BTC: variants seen among roughly 807,000 people sequenced by gnomAD.
BTC encodes betacellulin, also known as probetacellulin.
BTC carries 13 observed loss-of-function variants against 18.1 expected under a neutral mutation model. The observed-to-expected ratio is 0.72, with a 90% CI of 0.47 to 1.14. The LOEUF is 1.14. Among genes scored for constraint, BTC ranks in the 50% most tolerant of loss-of-function variants. The pLI is 0.00. For synonymous variants in BTC, 83 were observed against 79.4 expected, an observed-to-expected ratio of 1.05 and a Z score of -0.24; for missense variants, 247 against 224.2, an observed-to-expected ratio of 1.10 and a Z score of -0.65.
At chr4:74,784,416 A>C (rs1043183810) in intron 1 of BTC, among the ~76,000 whole-genome samples, 6 of 151,462 alleles carry the variant, frequency 4.0e-5, no homozygotes, top group Admixed American at 1.3e-4. Context: ...CTACTTACAT[A>C]CTCTTTATTT....
intron 4 of BTC, among the ~76,000 whole-genome samples, chr4:74,748,992 A>T (rs1350264046): frequency 6.6e-6 from 1 of 152,202 alleles, no homozygotes; most frequent in Non-Finnish European, 1.5e-5. Context: ...GTAAAATAAA[A>T]ATATATCTTT....
intron 2 of BTC, among the ~76,000 whole-genome samples, chr4:74,760,255 C>G (rs1458749858): frequency 6.6e-6 from 1 of 152,074 alleles, no homozygotes; most frequent in African/African-American, 2.4e-5. Flanking sequence ...TCTCTATGTA[C>G]AAATGTAAAG....
rs1560717612 is a variant in BTC, at chr4:74,770,161, A to G, written c.65-5T>C. 2 of 1,598,398 alleles carry G rather than the reference A, an allele frequency of 1.3e-6. No homozygotes were observed. Among genetic ancestry groups the G allele is most frequent in the Admixed American group, 1.8e-5 (1 of 55,362 alleles). ...CACAGTGAAGGATCACTAGACCTTC[A>G]AATTCAAAACAGAACCAAAATCAAA... On this transcript the variant is annotated splice_region_variant and splice_polypyrimidine_tract_variant and intron_variant, in intron 1 of 5. Coordinates refer to ENST00000395743, the MANE Select transcript of BTC (RefSeq NM_001729.4).
At chr4:74,790,097 T>C (rs1041261583) in intron 1 of BTC, among the ~76,000 whole-genome samples, 1 of 152,228 alleles carries the variant, frequency 6.6e-6, no homozygotes, top group Non-Finnish European at 1.5e-5. Context: ...ATCTATTACC[T>C]ATTTCATAAC....
chr4:74,781,881 T>C (rs1463970768), intron 1 of BTC, among the ~76,000 whole-genome samples: 1 of 152,088 alleles, frequency 6.6e-6, no homozygotes, highest in Non-Finnish European at 1.5e-5. Context: ...TTGCCTCTCC[T>C]CCCAGCCCCC....
At chr4:74,780,872 C>T (rs1418590180) in intron 1 of BTC, among the ~76,000 whole-genome samples, 6 of 150,258 alleles carry the variant, frequency 4.0e-5, no homozygotes, top group African/African-American at 1.2e-4. Context: ...TTCTGTCCTT[C>T]CCAGGGAAGT....
intron 2 of BTC, 29 bp downstream of exon 2, chr4:74,770,029 A>T (rs1261923434): frequency 6.5e-7 from 1 of 1,545,756 alleles, no homozygotes; most frequent in Non-Finnish European, 8.9e-7. Context: ...TAAAACTCAG[A>T]TTTGAATATA....
chr4:74,765,819 A>T (rs1011942917), intron 2 of BTC, among the ~76,000 whole-genome samples: 6 of 152,282 alleles, frequency 3.9e-5, no homozygotes, highest in African/African-American at 1.4e-4. Flanking sequence ...GCCAGAAAGG[A>T]TGATATATAG....
chr4:74,759,949 A>G (rs1553957124), intron 2 of BTC, among the ~76,000 whole-genome samples: 2 of 152,206 alleles, frequency 1.3e-5, no homozygotes, highest in Admixed American at 1.3e-4. Flanking sequence ...ATAGTTCCTT[A>G]GTCTCTATGT....
At chr4:74,779,979 T>C (rs1725275876) in intron 1 of BTC, among the ~76,000 whole-genome samples, 3 of 151,992 alleles carry the variant, frequency 2.0e-5, no homozygotes, top group Admixed American at 6.6e-5. Context: ...GCTGGAAAAA[T>C]CAAAAAGTTT....
intron 2 of BTC, among the ~76,000 whole-genome samples, chr4:74,762,567 A>T (rs1724789161): frequency 6.6e-6 from 1 of 152,120 alleles, no homozygotes; most frequent in African/African-American, 2.4e-5. Context: ...ATAAATCACC[A>T]AATAAAGGAA....
At chr4:74,756,636 C>T (rs978102697) in intron 2 of BTC, among the ~76,000 whole-genome samples, 1 of 152,216 alleles carries the variant, frequency 6.6e-6, no homozygotes, top group African/African-American at 2.4e-5. Flanking sequence ...GAGCCAGCTG[C>T]TCACCAGGTG....
At chr4:74,765,165 C>G (rs115803100) in intron 2 of BTC, among the ~76,000 whole-genome samples, 1 of 148,544 alleles carries the variant, frequency 6.7e-6, no homozygotes, top group Non-Finnish European at 1.5e-5. Context: ...AAAAAAAACA[C>G]TAATGAAATG....
chr4:74,749,838 G>A (rs962407987), intron 4 of BTC, among the ~76,000 whole-genome samples: 1 of 146,938 alleles, frequency 6.8e-6, no homozygotes, highest in Non-Finnish European at 1.5e-5. Flanking sequence ...GCTCACTCCT[G>A]TAATCCCGCT....
At chr4:74,767,731 C>T (rs1299193500) in intron 2 of BTC, among the ~76,000 whole-genome samples, 1 of 151,978 alleles carries the variant, frequency 6.6e-6, no homozygotes, top group African/African-American at 2.4e-5. Context: ...GAGCAATAAA[C>T]CCATGAATAT....
Position 74,770,119 on chromosome 4 carries a change from A to G in BTC, c.102T>C (p.Asn34=), listed in dbSNP as rs999753742. The G allele has an allele frequency of 3.7e-6, 6 of 1,613,218 alleles. No individual in the cohort carries two copies. The African/African-American group carries it at 5.3e-5, about 14-fold the overall frequency. The change falls in exon 2 of 6, where the codon AAT becomes AAC. Residue 34 remains asparagine (N), a synonymous_variant. Transcript: ENST00000395743. ...VILHCVVADG[N]STRSPETNGL... ...CATTAGTTTCAGGACTTCTGGTGGA[A>G]TTCCCATCTGCCACCACACAGTGAA...
At chr4:74,768,094 G>A (rs1421117330) in intron 2 of BTC, among the ~76,000 whole-genome samples, 1 of 152,096 alleles carries the variant, frequency 6.6e-6, no homozygotes, top group African/African-American at 2.4e-5. Flanking sequence ...GCTGTGCAGA[G>A]ATAGGGTTAG....
chr4:74,781,942 A>C (rs1178385799), intron 1 of BTC, among the ~76,000 whole-genome samples: 1 of 152,096 alleles, frequency 6.6e-6, no homozygotes, highest in Non-Finnish European at 1.5e-5. Flanking sequence ...CATGACCAAA[A>C]AAGTCAGTCA....
intron 4 of BTC, among the ~76,000 whole-genome samples, chr4:74,748,806 G>A (rs1009252606): frequency 3.9e-5 from 6 of 152,196 alleles, no homozygotes; most frequent in Middle Eastern, 3.4e-3. Flanking sequence ...ACAGCGTTTG[G>A]ATATATTAAC....
Sources: allele counts gnomAD v4.1 joint callset (sites outside exome capture counted in the v4.1 genomes callset), GRCh38; gene constraint gnomAD v4.1.1; transcripts MANE v1.5; gene names NCBI Gene and HGNC (gene_info 2026-07-23, HGNC 2026-07-21).